Variants in NEK5 observed in about 807,000 individuals in gnomAD.
The protein encoded by NEK5 is serine/threonine-protein kinase Nek5.
In NEK5, 88 loss-of-function variants were observed where a neutral mutation model predicts 109.2. The ratio of observed to expected loss-of-function variants is 0.81; its 90% CI spans 0.68 to 0.96. The LOEUF is 0.96. Ranked by LOEUF, NEK5 falls within the 40% of genes least tolerant of loss-of-function variation. The pLI is 0.00. For synonymous variants in NEK5, 283 were observed against 299.9 expected, an observed-to-expected ratio of 0.94 and a Z score of 0.58; for missense variants, 834 against 920.7, an observed-to-expected ratio of 0.91 and a Z score of 1.22.
At chr13:52,099,320 C>T (rs1955481614) in intron 12 of NEK5, among the ~76,000 whole-genome samples, 1 of 152,078 alleles carries the variant, frequency 6.6e-6, no homozygotes. Context: ...ATCGCAAGGT[C>T]AGGAGTTCGA....
Position 52,123,137 on chromosome 13 carries a change from G to C in NEK5, c.118-3722C>G, listed in dbSNP as rs374816822. Among the ~76,000 whole-genome samples, 3 of 152,164 alleles carry C rather than the reference G, an allele frequency of 2.0e-5. No homozygotes were observed. In the East Asian group the frequency reaches 5.8e-4, roughly 29 times the overall value. ...GGGAGTAGGGAGGCATTAGAGAGAA[G>C]AAATATAAATTTCTCTAGATAAGAA... On this transcript the variant is annotated intron_variant, in intron 3 of 23. Coordinates refer to ENST00000684899, the MANE Select transcript of NEK5 (RefSeq NM_001365552.1).
chr13:52,098,747 T>C (rs1955470432), intron 12 of NEK5, among the ~76,000 whole-genome samples: 4 of 152,188 alleles, frequency 2.6e-5, no homozygotes, highest in Admixed American at 1.3e-4. Flanking sequence ...ATTTCAGTTA[T>C]AAAAAGAAAA....
chr13:52,103,292 G>A (rs1256270514), intron 9 of NEK5, among the ~76,000 whole-genome samples: 1 of 152,120 alleles, frequency 6.6e-6, no homozygotes, highest in African/African-American at 2.4e-5. Flanking sequence ...TTAGCCGGGT[G>A]TGGTGGTGGG....
chr13:52,061,831 C>T lies in NEK5; in HGVS notation c.2098G>A (p.Asp700Asn), dbSNP rs1456273682. 1.1e-5 allele frequency: 11 copies of T among 985,582 alleles called. No homozygotes were observed. Among genetic ancestry groups the T allele is most frequent in the South Asian group, 4.7e-5 (1 of 21,286 alleles). The allele number at this position is 985,582 out of a possible 1,614,324, so 61.1% of individuals were successfully genotyped here. A position where few individuals can be genotyped will look rare whatever the true frequency, so the allele number is the denominator to read the frequency against. ...ATAAACTACATACCAAATTCTTCAT[C>T]GGCAGAAAATGAGCTACTCGTTAGA... ...AHLTSSSFSADEEFAMGTLKQ... is the reference protein window; with the variant it reads ...AHLTSSSFSANEEFAMGTLKQ... Residue 700 changes from aspartate (D) to asparagine (N), a missense_variant, in exon 22 of 24, where the codon GAT becomes AAT. By Grantham distance (23) the Asp-to-Asn change is conservative (BLOSUM62 1). Transcript: ENST00000684899.
At chr13:52,097,664 A>G (rs761446907) in intron 12 of NEK5, among the ~76,000 whole-genome samples, 1 of 152,204 alleles carries the variant, frequency 6.6e-6, no homozygotes, top group Non-Finnish European at 1.5e-5. Flanking sequence ...ACAGCCTCAC[A>G]GGTGGAAGGG....
intron 17 of NEK5, among the ~76,000 whole-genome samples, chr13:52,076,650 T>G (rs1460962588): frequency 6.6e-6 from 1 of 152,192 alleles, no homozygotes; most frequent in African/African-American, 2.4e-5. Context: ...GCTCTTCTAT[T>G]CCCTAATACA....
At position 52,128,607 on chromosome 13, in the gene NEK5, C is replaced by A. The variant is rs932730731; in HGVS notation, c.-91+422G>T. Among the ~76,000 whole-genome samples the A allele has an allele frequency of 2.0e-5, 3 of 152,202 alleles. No individual in the cohort carries two copies. In the South Asian group the frequency reaches 6.2e-4, roughly 32 times the overall value. On this transcript the variant is annotated intron_variant, in intron 1 of 23. Coordinates refer to ENST00000684899, the MANE Select transcript of NEK5 (RefSeq NM_001365552.1). ...TACTGGGTTGCAGGGGGCTGGGAAC[C>A]AGCTCCGCAGCCAGGAGAGGCTGCA...
chr13:52,092,424 CA>C (rs34826302), intron 13 of NEK5, among the ~76,000 whole-genome samples: 12 of 148,676 alleles, frequency 8.1e-5, no homozygotes, highest in African/African-American at 2.5e-4. Flanking sequence ...ATCTTTCTAA[CA>C]AAAAAAAAAG....
rs562918470 is a variant in NEK5, at chr13:52,062,648, T to C, written c.1976-695A>G. On this transcript the variant is annotated intron_variant, in intron 21 of 23. Transcript: ENST00000684899. ...GTTGGCCAGGCTGATCTTGAACTCCTGACCTCATGATCTGCCCACCTCAGC... is the reference window on the plus strand; with the variant it reads ...GTTGGCCAGGCTGATCTTGAACTCCCGACCTCATGATCTGCCCACCTCAGC... 4.6e-5 allele frequency among the ~76,000 whole-genome samples: 7 copies of C among 152,212 alleles called. No homozygotes were observed. The East Asian group carries it at 1.2e-3, about 25-fold the overall frequency.
chr13:52,113,624 A>T (rs887822539), intron 4 of NEK5, among the ~76,000 whole-genome samples: 1 of 151,490 alleles, frequency 6.6e-6, no homozygotes, highest in Non-Finnish European at 1.5e-5. Context: ...ATTTCCTTAA[A>T]TTTTTTTTCT....
rs1027602317 is a variant in NEK5 at position 52,034,416 on chromosome 13, G to A, written c.*2532C>T. On this transcript the variant is annotated 3_prime_UTR_variant, in exon 24 of 24. Transcript: ENST00000684899. ...TTACAGCAAAGAATTCAAAATTGTT[G>A]AGTAAAGCTTGGTGACTATTACCTA... The A allele has an allele frequency of 6.6e-6, 1 of 151,310 alleles. No individual in the cohort carries two copies. The highest frequency in any genetic ancestry group is 1.5e-5 in the Non-Finnish European group (1 of 67,874). The allele number at this position is 151,310 out of a possible 1,614,324, so 9.4% of individuals were successfully genotyped here. A position where few individuals can be genotyped will look rare whatever the true frequency, so the allele number is the denominator to read the frequency against.
At chr13:52,061,785 G>A in intron 22 of NEK5, 34 bp downstream of exon 22, 1 of 945,752 alleles carries the variant, frequency 1.1e-6, no homozygotes, top group Non-Finnish European at 1.3e-6. Context: ...ATTCCTCTGA[G>A]GACTGGTTAT....
chr13:52,041,120 G>A (rs1335569289), intron 23 of NEK5, among the ~76,000 whole-genome samples: 3 of 152,056 alleles, frequency 2.0e-5, no homozygotes, highest in Non-Finnish European at 2.9e-5. Context: ...AAAACAAAAT[G>A]AGCCCACAAA....
chr13:52,111,715 A>G (rs374975051), intron 5 of NEK5, among the ~76,000 whole-genome samples: 9 of 152,318 alleles, frequency 5.9e-5, no homozygotes, highest in East Asian at 3.9e-4. Flanking sequence ...ACCACTCCCA[A>G]GAGAGTTCCA....
At chr13:52,104,460 C>T in intron 9 of NEK5, 38 bp downstream of exon 9, 2 of 1,412,164 alleles carry the variant, frequency 1.4e-6, no homozygotes, top group Non-Finnish European at 2.0e-6. Context: ...TCTACAATTC[C>T]AATAATTCAA....
chr13:52,038,543 G>A (rs1353731237), intron 23 of NEK5, among the ~76,000 whole-genome samples: 1 of 152,160 alleles, frequency 6.6e-6, no homozygotes, highest in Non-Finnish European at 1.5e-5. Context: ...GGTCCAGAAA[G>A]CAATGGAGAT....
intron 19 of NEK5, among the ~76,000 whole-genome samples, chr13:52,073,594 T>A (rs1726933346): frequency 6.6e-6 from 1 of 152,118 alleles, no homozygotes; most frequent in Non-Finnish European, 1.5e-5. Flanking sequence ...GGATTACAGC[T>A]GTGAGCCACC....
chr13:52,075,386 G>A (rs892363884), intron 19 of NEK5, among the ~76,000 whole-genome samples: 4 of 152,044 alleles, frequency 2.6e-5, no homozygotes, highest in Non-Finnish European at 5.9e-5. Context: ...AATTACATAG[G>A]GATAGAAAAC....
At chr13:52,067,072 T>C (rs1954702920) in intron 20 of NEK5, among the ~76,000 whole-genome samples, 1 of 152,186 alleles carries the variant, frequency 6.6e-6, no homozygotes, top group African/African-American at 2.4e-5. Flanking sequence ...TCTCACTGTT[T>C]TAACTATTTG....
Sources: gnomAD v4.1 joint callset for allele counts (sites outside exome capture counted in the v4.1 genomes callset) on GRCh38, gnomAD v4.1.1 for gene constraint, MANE v1.5 for transcripts, NCBI Gene and HGNC (gene_info 2026-07-23, HGNC 2026-07-21) for gene names.